Variants in ZNF709 observed in about 807,000 individuals in gnomAD.
ZNF709 encodes the protein zinc finger protein 709.
ZNF709 carries 15 observed loss-of-function variants against 10.6 expected under a neutral mutation model. The observed-to-expected ratio is 1.41, with a 90% CI of 0.95 to 2.18. ZNF709 has a LOEUF of 2.18. Among genes scored for constraint, ZNF709 ranks in the 30% most tolerant of loss-of-function variants. The probability of loss-of-function intolerance (pLI) is 0.00; values close to 1 mark genes in which losing one functional copy is unlikely to be tolerated. For missense variants in ZNF709, 589 were observed against 774.0 expected, an observed-to-expected ratio of 0.76 and a Z score of 2.84; for synonymous variants, 194 against 238.8, an observed-to-expected ratio of 0.81 and a Z score of 1.73.
chr19:12,476,594 G>A (rs1445246495), intron 1 of ZNF709, among the ~76,000 whole-genome samples: 2 of 152,114 alleles, frequency 1.3e-5, no homozygotes, highest in African/African-American at 2.4e-5. Flanking sequence ...AGCCTTTTGC[G>A]GTAGGGGGAC....
In ZNF709 at chr19:12,464,923, C is replaced by G; in HGVS notation, c.999G>C (p.Glu333Asp). The G allele has an allele frequency of 1.2e-6, 2 of 1,609,866 alleles. No homozygotes were observed. The highest frequency in any genetic ancestry group is 1.7e-6 in the Non-Finnish European group (2 of 1,178,700). Residue 333 changes from glutamate (E) to aspartate (D), a missense_variant, in exon 4 of 4, where the codon GAG becomes GAC. Around this residue, in one of 2 missense-constraint regions of ZNF709, gnomAD observed 418 missense variants for 496.3 expected, o/e 0.84. Transcript: ENST00000397732. ...CACATTCCTTACAATCATAGGGTTT[C>G]TCTCCTGTATGAATTCTTTCATGTT... ...FRKHERIHTG[E>D]KPYDCKECGK...
chr19:12,466,087 C>G (rs58556648), intron 3 of ZNF709, among the ~76,000 whole-genome samples: 47,681 of 151,786 alleles, frequency 0.31, 7,660 homozygotes, highest in South Asian at 0.43. Flanking sequence ...ATTACAGGTA[C>G]CCACCACCAC....
intron 3 of ZNF709, among the ~76,000 whole-genome samples, chr19:12,466,085 T>C (rs1270114862): frequency 6.6e-6 from 1 of 151,952 alleles, no homozygotes; most frequent in African/African-American, 2.4e-5. Flanking sequence ...GGATTACAGG[T>C]ACCCACCACC....
intron 1 of ZNF709, among the ~76,000 whole-genome samples, chr19:12,469,635 G>C (rs1257936420): frequency 6.6e-6 from 1 of 152,064 alleles, no homozygotes; most frequent in Non-Finnish European, 1.5e-5. Context: ...TGGGTGTGGT[G>C]GTGGGCGCCT....
chr19:12,464,327 T>C lies in ZNF709; in HGVS notation c.1595A>G (p.Tyr532Cys), dbSNP rs775980012. ...CGCCTTACCACACTGTTTACATTCA[T>C]AGGGTTTCTCCCCAGTGTGAGTCCT... Reference protein sequence around the residue: ...HERTHTGEKPYECKQCGKAFS... With the variant: ...HERTHTGEKPCECKQCGKAFS... Residue 532 changes from tyrosine to cysteine, a missense_variant, in exon 4 of 4, where the codon TAT becomes TGT. By Grantham distance (194) the Tyr-to-Cys change is radical. Transcript: ENST00000397732. 3 of 1,610,250 alleles carry C rather than the reference T, an allele frequency of 1.9e-6. No individual in the cohort carries two copies. The highest frequency in any genetic ancestry group is 1.7e-6 in the Non-Finnish European group (2 of 1,178,242).
intron 1 of ZNF709, among the ~76,000 whole-genome samples, chr19:12,471,061 G>GC (rs904225300): frequency 1.2e-4 from 18 of 151,556 alleles, no homozygotes; most frequent in African/African-American, 4.4e-4. Flanking sequence ...TACTTGATCC[G>GC]CCCCCCAAAA....
chr19:12,470,852 G>A (rs572261184), intron 1 of ZNF709, among the ~76,000 whole-genome samples: 4 of 151,700 alleles, frequency 2.6e-5, no homozygotes, highest in Middle Eastern at 3.4e-3. Context: ...GCGTGAACCC[G>A]GGAGGCAGAG....
At chr19:12,468,082 C>T (rs1416184612) in intron 1 of ZNF709, among the ~76,000 whole-genome samples, 1 of 151,254 alleles carries the variant, frequency 6.6e-6, no homozygotes, top group African/African-American at 2.4e-5. Flanking sequence ...GGGGGGTCAG[C>T]CCCCGCCCGG....
intron 1 of ZNF709, among the ~76,000 whole-genome samples, chr19:12,467,856 C>T (rs1970592128): frequency 6.8e-6 from 1 of 147,746 alleles, no homozygotes; most frequent in African/African-American, 2.5e-5. Flanking sequence ...AGTGAGGAGA[C>T]CCTCCTCCTG....
At position 12,465,043 on chromosome 19, in the gene ZNF709, T is replaced by G. The variant is rs375339193; in HGVS notation, c.879A>C (p.Thr293=). The G allele has an allele frequency of 4.8e-4, 770 of 1,612,752 alleles. No homozygotes were observed. Among genetic ancestry groups the G allele is most frequent in the Non-Finnish European group, 5.8e-4 (683 of 1,179,622 alleles). ...KQCGKALSCP[T]SFRSHERIHT... ...GAATCCTTTCATGACTTCGAAAGGATGTGGGACAACTAAGAGCTTTACCAC... is the reference window on the plus strand; with the variant it reads ...GAATCCTTTCATGACTTCGAAAGGAGGTGGGACAACTAAGAGCTTTACCAC... The change falls in exon 4 of 4, where the codon ACA becomes ACC. Residue 293 remains threonine, a synonymous_variant. Transcript: ENST00000397732.
At chr19:12,472,008 A>T (rs1414566057) in intron 1 of ZNF709, among the ~76,000 whole-genome samples, 1 of 152,166 alleles carries the variant, frequency 6.6e-6, no homozygotes, top group Admixed American at 6.6e-5. Flanking sequence ...ATGCAATATA[A>T]ATGAACTAGT....
chr19:12,474,167 T>C (rs1013887935), intron 1 of ZNF709, among the ~76,000 whole-genome samples: 1 of 152,248 alleles, frequency 6.6e-6, no homozygotes, highest in South Asian at 2.1e-4. Flanking sequence ...TCTGCATAAC[T>C]GAAGCTTTGT....
chr19:12,464,696 A>G lies in ZNF709; in HGVS notation c.1226T>C (p.Met409Thr). 6.2e-7 allele frequency: 1 copy of G among 1,613,400 alleles called. No homozygotes were observed. The highest frequency in any genetic ancestry group is 1.1e-5 in the South Asian group (1 of 91,030). ...KAFSCSSSFRMHERTHTGEKP... is the reference protein window; with the variant it reads ...KAFSCSSSFRTHERTHTGEKP... ...CTCTCCAGTGTGAGTTCTTTCATGC[A>G]TTCGAAAGGAACTGGAACAACTGAA... Residue 409 changes from methionine (M) to threonine (T), a missense_variant, in exon 4 of 4, where the codon ATG (methionine) becomes ACG (threonine). Physicochemically the swap from Met to Thr is moderately conservative, Grantham distance 81 (BLOSUM62 -1). Coordinates refer to ENST00000397732, the MANE Select transcript of ZNF709 (RefSeq NM_152601.4).
intron 1 of ZNF709, among the ~76,000 whole-genome samples, chr19:12,481,497 C>T (rs1265177449): frequency 6.6e-6 from 1 of 152,170 alleles, no homozygotes; most frequent in Non-Finnish European, 1.5e-5. Context: ...GCCTCAGCCT[C>T]CCAAAGCGCT....
chr19:12,469,086 C>T (rs1970611550), intron 1 of ZNF709, among the ~76,000 whole-genome samples: 1 of 152,106 alleles, frequency 6.6e-6, no homozygotes, highest in Admixed American at 6.5e-5. Flanking sequence ...GTGATCCGCC[C>T]ACCTCGGCCT....
intron 1 of ZNF709, among the ~76,000 whole-genome samples, chr19:12,468,318 C>T (rs563092376): frequency 3.3e-5 from 5 of 152,152 alleles, no homozygotes; most frequent in Non-Finnish European, 7.4e-5. Flanking sequence ...AAGAAGTAGA[C>T]ATGGGAGACT....
At chr19:12,482,660 ACAATTATGCCCT>A (rs1970738822) in intron 1 of ZNF709, among the ~76,000 whole-genome samples, 1 of 152,162 alleles carries the variant, frequency 6.6e-6, no homozygotes, top group South Asian at 2.1e-4. Flanking sequence ...CAAGGAAACC[ACAATTATGCCCT>A]CAGGAAGGGC....
intron 1 of ZNF709, among the ~76,000 whole-genome samples, chr19:12,477,010 G>C (rs1410670290): frequency 6.6e-6 from 1 of 152,212 alleles, no homozygotes. Context: ...CAAGGCTGTT[G>C]AGGTTCCCTT....
At chr19:12,474,391 T>C (rs1970660205) in intron 1 of ZNF709, among the ~76,000 whole-genome samples, 1 of 152,230 alleles carries the variant, frequency 6.6e-6, no homozygotes. Flanking sequence ...GGCTAAATCA[T>C]ATTTTATTTT....
Sources: allele counts gnomAD v4.1 joint callset (sites outside exome capture counted in the v4.1 genomes callset), GRCh38; gene constraint gnomAD v4.1.1; regional missense constraint gnomAD v4.1.1; transcripts MANE v1.5; gene names NCBI Gene and HGNC (gene_info 2026-07-23, HGNC 2026-07-21).